The following SPOCK1 variants were observed in gnomAD, a reference collection of about 807,000 sequenced individuals.
SPOCK1 encodes the protein SPARC (osteonectin), cwcv and kazal like domains proteoglycan 1.
A neutral mutation model predicts 55.3 loss-of-function variants in SPOCK1; 23 were observed. That is an observed-to-expected ratio of 0.42 (90% confidence interval 0.30 to 0.59). The LOEUF (loss-of-function observed/expected upper bound fraction) is 0.59, where lower values mean the gene tolerates loss of function less well. Ranked by LOEUF, SPOCK1 falls within the 20% of genes least tolerant of loss-of-function variation. The pLI is 0.22. For synonymous variants in SPOCK1, 226 were observed against 221.0 expected (o/e 1.02, Z -0.20); for missense variants, 499 against 552.5 (o/e 0.90, Z 0.97).
chr5:136,998,437 AT>A, intron 6 of SPOCK1, among the ~76,000 whole-genome samples: 1 of 152,254 alleles, frequency 6.6e-6, no homozygotes, highest in Non-Finnish European at 1.5e-5. Flanking sequence ...CAGACTCCCA[AT>A]GTCAAACAGC....
intron 3 of SPOCK1, among the ~76,000 whole-genome samples, chr5:137,237,995 A>T (rs1249504597): frequency 6.6e-6 from 1 of 152,200 alleles, no homozygotes; most frequent in Non-Finnish European, 1.5e-5. Context: ...GAATATGGAC[A>T]CCGGGATGAA....
intron 6 of SPOCK1, among the ~76,000 whole-genome samples, chr5:137,040,400 T>C (rs1459588448): frequency 6.6e-6 from 1 of 152,204 alleles, no homozygotes; most frequent in African/African-American, 2.4e-5. Context: ...TGCATAGGCC[T>C]TGCAGAGAAG....
intron 2 of SPOCK1, among the ~76,000 whole-genome samples, chr5:137,433,909 T>C (rs988291399): frequency 6.6e-5 from 10 of 152,182 alleles, no homozygotes; most frequent in African/African-American, 1.7e-4. Flanking sequence ...AAGTATTCAA[T>C]TGAGTACCAT....
At chr5:137,009,585 G>GTC (rs1478100934) in intron 6 of SPOCK1, among the ~76,000 whole-genome samples, 9 of 152,184 alleles carry the variant, frequency 5.9e-5, no homozygotes, top group Admixed American at 2.0e-4. Flanking sequence ...TAGCCCTGAG[G>GTC]TGGGAGAAAG....
At chr5:137,230,305 A>G (rs761141552) in intron 3 of SPOCK1, among the ~76,000 whole-genome samples, 5 of 152,190 alleles carry the variant, frequency 3.3e-5, no homozygotes, top group Non-Finnish European at 7.4e-5. Context: ...TTCACACCCA[A>G]GGACTTGGGG....
At chr5:137,277,597 G>A (rs901897958) in intron 2 of SPOCK1, among the ~76,000 whole-genome samples, 9 of 152,098 alleles carry the variant, frequency 5.9e-5, no homozygotes, top group South Asian at 2.1e-4. Context: ...CACAGATGAC[G>A]GGCCTCTCAA....
intron 2 of SPOCK1, among the ~76,000 whole-genome samples, chr5:137,435,079 C>A (rs1249686942): frequency 5.9e-5 from 9 of 152,150 alleles, no homozygotes; most frequent in Non-Finnish European, 1.3e-4. Flanking sequence ...TATCACAATG[C>A]GAACATGTTA....
chr5:137,427,477 G>C (rs1346123679), intron 2 of SPOCK1, among the ~76,000 whole-genome samples: 1 of 152,178 alleles, frequency 6.6e-6, no homozygotes, highest in Non-Finnish European at 1.5e-5. Context: ...GCTCTATGTG[G>C]TCTCCCTTGT....
At chr5:137,203,898 A>G (rs1311169516) in intron 3 of SPOCK1, among the ~76,000 whole-genome samples, 6 of 152,222 alleles carry the variant, frequency 3.9e-5, no homozygotes, top group Admixed American at 2.6e-4. Context: ...CCTCTTAAGT[A>G]ATGTGGATTA....
intron 2 of SPOCK1, among the ~76,000 whole-genome samples, chr5:137,469,850 T>C (rs1753694572): frequency 1.3e-5 from 2 of 152,188 alleles, no homozygotes; most frequent in African/African-American, 4.8e-5. Context: ...AAGAGGCTAT[T>C]TCATGGGTGG....
chr5:137,258,561 T>C (rs1442967287), intron 3 of SPOCK1, among the ~76,000 whole-genome samples: 2 of 152,198 alleles, frequency 1.3e-5, no homozygotes. Flanking sequence ...CAGCTGACAT[T>C]TTTTTCCCTA....
chr5:137,427,283 G>A (rs942251116), intron 2 of SPOCK1, among the ~76,000 whole-genome samples: 7 of 152,190 alleles, frequency 4.6e-5, no homozygotes, highest in African/African-American at 1.7e-4. Flanking sequence ...CTGCTGAAGT[G>A]GAGAGAAGCC....
chr5:137,211,994 G>C (rs867743557), intron 3 of SPOCK1, among the ~76,000 whole-genome samples: 3 of 152,160 alleles, frequency 2.0e-5, no homozygotes, highest in Non-Finnish European at 4.4e-5. Context: ...CCATGAGCAG[G>C]TTTAGCAAAT....
At chr5:136,996,309 C>T (rs1340970911) in intron 6 of SPOCK1, among the ~76,000 whole-genome samples, 6 of 152,168 alleles carry the variant, frequency 3.9e-5, no homozygotes, top group Admixed American at 1.3e-4. Flanking sequence ...GTGGCAATCC[C>T]GGCAATTTCT....
chr5:137,395,675 AG>A (rs1264162107), intron 2 of SPOCK1, among the ~76,000 whole-genome samples: 1 of 152,206 alleles, frequency 6.6e-6, no homozygotes, highest in Non-Finnish European at 1.5e-5. Flanking sequence ...TGGTGAGGTG[AG>A]GTGGTTGATG....
chr5:137,459,451 CT>C (rs10642886), intron 2 of SPOCK1, among the ~76,000 whole-genome samples: 14 of 145,740 alleles, frequency 9.6e-5, no homozygotes, highest in African/African-American at 1.5e-4. Flanking sequence ...TAATGAAAGG[CT>C]TTTTTTTTTT....
At chr5:137,391,592 C>T (rs1444276369) in intron 2 of SPOCK1, among the ~76,000 whole-genome samples, 2 of 151,992 alleles carry the variant, frequency 1.3e-5, no homozygotes, top group Non-Finnish European at 2.9e-5. Flanking sequence ...CAGAATGGGG[C>T]TTATCCTTTT....
At chr5:137,169,338 T>C (rs143281641) in intron 3 of SPOCK1, among the ~76,000 whole-genome samples, 88 of 152,274 alleles carry the variant, frequency 5.8e-4, no homozygotes, top group African/African-American at 1.7e-3. Context: ...AAGAGCATAA[T>C]TGGATTGTAA....
intron 2 of SPOCK1, among the ~76,000 whole-genome samples, chr5:137,408,198 C>G (rs577263583): frequency 2.0e-5 from 3 of 152,312 alleles, no homozygotes; most frequent in African/African-American, 7.2e-5. Flanking sequence ...GAACAAAGAC[C>G]TTGGCTGTGG....
Sources: gnomAD v4.1 joint callset for allele counts (sites outside exome capture counted in the v4.1 genomes callset) on GRCh38, gnomAD v4.1.1 for gene constraint, MANE v1.5 for transcripts, NCBI Gene and HGNC (gene_info 2026-07-23, HGNC 2026-07-21) for gene names.